Variants in CA10 observed in about 807,000 individuals in gnomAD.
The protein encoded by CA10 is carbonic anhydrase-related protein 10.
CA10 carries 14 observed loss-of-function variants against 44.2 expected under a neutral mutation model. That is an observed-to-expected ratio of 0.32 (90% CI 0.21 to 0.50). The LOEUF is 0.50. CA10 is among the 20% of genes least tolerant of loss of function. The pLI is 0.99. For synonymous variants in CA10, 159 were observed against 141.6 expected (o/e 1.12, Z -0.87); for missense variants, 350 against 409.7 (o/e 0.85, Z 1.26).
At position 52,157,827 on chromosome 17, in the gene CA10, C is replaced by CG. The variant is rs537580773; in HGVS notation, c.-42dup. ...CCAAGTGCATCACTCGACGGGAAAA[C>CG]GGGGGGAAGGGGGGAGCCCGACACG... On this transcript the variant is annotated 5_prime_UTR_variant, in exon 1 of 9. It removes the in-frame stop codon of an upstream open reading frame in the 5' UTR. Transcript: ENST00000451037. 2,320 of 1,559,646 alleles carry CG rather than the reference C, an allele frequency of 1.5e-3. 5 individuals are homozygous for CG. The highest frequency in any genetic ancestry group is 1.9e-3 in the Non-Finnish European group (2,140 of 1,130,500).
At chr17:51,744,302 G>A (rs1254336105) in intron 4 of CA10, among the ~76,000 whole-genome samples, 26 of 147,410 alleles carry the variant, frequency 1.8e-4, no homozygotes, top group African/African-American at 5.6e-4. Flanking sequence ...GTGACACAGC[G>A]AGACTCCATC....
At chr17:51,843,630 A>G (rs1004759862) in intron 3 of CA10, among the ~76,000 whole-genome samples, 1 of 151,776 alleles carries the variant, frequency 6.6e-6, no homozygotes, top group African/African-American at 2.4e-5. Context: ...GATCCTAGTA[A>G]TAGTGTCTAA....
chr17:52,043,338 A>C (rs969099467), intron 2 of CA10, among the ~76,000 whole-genome samples: 12 of 151,724 alleles, frequency 7.9e-5, no homozygotes, highest in Non-Finnish European at 1.6e-4. Context: ...TGCTAGTGTA[A>C]ATTTGATTGT....
chr17:51,805,670 T>C (rs1907101708), intron 3 of CA10, among the ~76,000 whole-genome samples: 1 of 152,222 alleles, frequency 6.6e-6, no homozygotes, highest in African/African-American at 2.4e-5. Context: ...AATTCGACAG[T>C]TTTTAGTAAA....
intron 4 of CA10, among the ~76,000 whole-genome samples, chr17:51,695,243 CA>C (rs1915361250): frequency 6.6e-6 from 1 of 152,112 alleles, no homozygotes; most frequent in South Asian, 2.1e-4. Flanking sequence ...TTGCTTTGGG[CA>C]GTATGGCCAT....
chr17:51,878,937 T>C (rs1170947939), intron 3 of CA10, among the ~76,000 whole-genome samples: 10 of 138,712 alleles, frequency 7.2e-5, no homozygotes, highest in African/African-American at 2.4e-4. Context: ...TGTTTGTGTA[T>C]ATATATATAT....
At chr17:51,794,307 CT>C (rs1262825016) in intron 3 of CA10, among the ~76,000 whole-genome samples, 2 of 152,152 alleles carry the variant, frequency 1.3e-5, no homozygotes, top group African/African-American at 4.8e-5. Context: ...GGAAAGAAAG[CT>C]GCTGGAAGTG....
At chr17:51,968,912 C>T (rs203052) in intron 2 of CA10, among the ~76,000 whole-genome samples, 131,179 of 151,966 alleles carry the variant, frequency 0.86, 56,633 homozygotes, top group East Asian at 0.95. Flanking sequence ...TTTTTAACCG[C>T]ATTAAATATT....
intron 2 of CA10, among the ~76,000 whole-genome samples, chr17:52,069,484 G>A (rs574126586): frequency 2.7e-4 from 41 of 152,258 alleles, no homozygotes; most frequent in African/African-American, 6.7e-4. Context: ...AACAACATCT[G>A]TTAAACACTT....
chr17:51,723,268 A>G (rs1916409153), intron 4 of CA10, among the ~76,000 whole-genome samples: 1 of 152,224 alleles, frequency 6.6e-6, no homozygotes, highest in Non-Finnish European at 1.5e-5. Context: ...TTGAACTGTG[A>G]CAGGGAGGAT....
intron 6 of CA10, among the ~76,000 whole-genome samples, chr17:51,639,951 T>C (rs1913013278): frequency 1.3e-5 from 2 of 152,216 alleles, no homozygotes. Context: ...TAAGGTGTGG[T>C]CCAGGTTTGT....
chr17:52,111,352 G>A (rs970436028), intron 1 of CA10, among the ~76,000 whole-genome samples: 1 of 152,340 alleles, frequency 6.6e-6, no homozygotes, highest in African/African-American at 2.4e-5. Flanking sequence ...GAAGGCAAAA[G>A]GAATTAATAA....
intron 3 of CA10, among the ~76,000 whole-genome samples, chr17:51,850,582 T>C (rs2143822299): frequency 6.6e-6 from 1 of 152,290 alleles, no homozygotes; most frequent in Non-Finnish European, 1.5e-5. Flanking sequence ...ATGAGGCAGG[T>C]ACTACTGTCT....
At chr17:51,905,526 CTTTT>C (rs34606778) in intron 3 of CA10, among the ~76,000 whole-genome samples, 4 of 99,850 alleles carry the variant, frequency 4.0e-5, no homozygotes, top group South Asian at 6.6e-4. Context: ...CCTATCAGTC[CTTTT>C]TTTTTTTTTT....
chr17:51,716,875 A>C (rs2143510602), intron 4 of CA10, among the ~76,000 whole-genome samples: 1 of 152,330 alleles, frequency 6.6e-6, no homozygotes, highest in Middle Eastern at 3.4e-3. Flanking sequence ...TGGTAGGGCC[A>C]GCATTTGTTC....
chr17:52,148,414 A>G (rs1351456982), intron 1 of CA10, among the ~76,000 whole-genome samples: 2 of 152,236 alleles, frequency 1.3e-5, no homozygotes, highest in East Asian at 3.8e-4. Context: ...AAAGGGCCGA[A>G]ATACATTTTA....
At chr17:51,639,409 G>A (rs1337923684) in intron 6 of CA10, among the ~76,000 whole-genome samples, 4 of 152,116 alleles carry the variant, frequency 2.6e-5, no homozygotes, top group Non-Finnish European at 5.9e-5. Context: ...ACCAGCCTTT[G>A]TGCTGCAGCT....
intron 4 of CA10, among the ~76,000 whole-genome samples, chr17:51,693,385 A>C (rs1351732817): frequency 6.6e-6 from 1 of 152,186 alleles, no homozygotes; most frequent in East Asian, 1.9e-4. Context: ...TTATATGTGC[A>C]GGTTACCTGG....
At chr17:51,643,941 T>C (rs1405058191) in intron 6 of CA10, among the ~76,000 whole-genome samples, 5 of 152,182 alleles carry the variant, frequency 3.3e-5, no homozygotes, top group Non-Finnish European at 7.3e-5. Context: ...TTTAGAAGCT[T>C]GCTTAAAGTC....
Sources: gnomAD v4.1 joint callset for allele counts (sites outside exome capture counted in the v4.1 genomes callset) on GRCh38, gnomAD v4.1.1 for gene constraint, MANE v1.5 for transcripts, NCBI Gene and HGNC (gene_info 2026-07-23, HGNC 2026-07-21) for gene names.